The following XKR6 variants were observed in gnomAD, a reference collection of about 807,000 sequenced individuals.
The protein encoded by XKR6 is XK-related protein 6.
Under a neutral mutation model 56.7 loss-of-function variants are expected in XKR6, and 22 were observed. The observed-to-expected ratio is 0.39, with a 90% CI of 0.28 to 0.55. The LOEUF is 0.55. Among genes scored for constraint, XKR6 ranks in the 20% least tolerant of loss-of-function variants. The pLI, the probability that XKR6 is intolerant of heterozygous loss-of-function variation, is 0.66. For synonymous variants in XKR6, 524 were observed against 387.8 expected, an observed-to-expected ratio of 1.35 and a Z score of -4.13; for missense variants, 852 against 889.0, an observed-to-expected ratio of 0.96 and a Z score of 0.53.
intron 1 of XKR6, among the ~76,000 whole-genome samples, chr8:10,925,266 G>A (rs770860441): frequency 2.6e-5 from 4 of 152,188 alleles, no homozygotes; most frequent in South Asian, 4.1e-4. Flanking sequence ...GAAGGGAAGC[G>A]GGTGAACATT....
chr8:11,098,815 G>A (rs1470739882), intron 1 of XKR6, among the ~76,000 whole-genome samples: 1 of 152,004 alleles, frequency 6.6e-6, no homozygotes, highest in African/African-American at 2.4e-5. Context: ...TCTTAAGTGG[G>A]GCTAGGAGGG....
chr8:11,059,652 C>CG (rs1462445066), intron 1 of XKR6, among the ~76,000 whole-genome samples: 6 of 133,860 alleles, frequency 4.5e-5, no homozygotes, highest in Admixed American at 1.4e-4. Context: ...GGGACAGGTG[C>CG]GGGGGGCGCG....
At chr8:11,029,617 G>T (rs1798946964) in intron 1 of XKR6, among the ~76,000 whole-genome samples, 1 of 152,114 alleles carries the variant, frequency 6.6e-6, no homozygotes, top group Non-Finnish European at 1.5e-5. Flanking sequence ...AGAGAAATCA[G>T]TGTCTGCTGT....
At chr8:11,048,701 C>G (rs1799470295) in intron 1 of XKR6, among the ~76,000 whole-genome samples, 1 of 152,194 alleles carries the variant, frequency 6.6e-6, no homozygotes, top group Non-Finnish European at 1.5e-5. Context: ...TGACTCTGGA[C>G]TCCGCAGGCC....
intron 1 of XKR6, among the ~76,000 whole-genome samples, chr8:10,967,836 G>T (rs1013581349): frequency 2.6e-5 from 4 of 152,206 alleles, no homozygotes; most frequent in Non-Finnish European, 5.9e-5. Context: ...GTGGGTGCAG[G>T]TGGGACAAGC....
chr8:11,153,769 AG>A (rs1478028662), intron 1 of XKR6, among the ~76,000 whole-genome samples: 2 of 152,162 alleles, frequency 1.3e-5, no homozygotes, highest in Non-Finnish European at 2.9e-5. Flanking sequence ...AAGCCTTAAG[AG>A]GTATCTTGGA....
chr8:11,023,448 G>C (rs796779586), intron 1 of XKR6, among the ~76,000 whole-genome samples: 1 of 152,186 alleles, frequency 6.6e-6, no homozygotes, highest in East Asian at 1.9e-4. Context: ...ATTTTTTGTA[G>C]AGATGGGGTC....
intron 1 of XKR6, among the ~76,000 whole-genome samples, chr8:10,935,693 C>T (rs1801189468): frequency 6.6e-6 from 1 of 150,998 alleles, no homozygotes; most frequent in African/African-American, 2.4e-5. Flanking sequence ...GTTCAGTTTC[C>T]ATGTAGTTGA....
At chr8:11,029,677 T>C (rs1020613975) in intron 1 of XKR6, among the ~76,000 whole-genome samples, 49 of 152,076 alleles carry the variant, frequency 3.2e-4, no homozygotes, top group African/African-American at 1.1e-3. Flanking sequence ...TTGACTGACA[T>C]TTGCCATGAC....
chr8:10,932,343 C>G (rs1035874204), intron 1 of XKR6, among the ~76,000 whole-genome samples: 1 of 152,126 alleles, frequency 6.6e-6, no homozygotes, highest in Non-Finnish European at 1.5e-5. Context: ...ACCCATAGTT[C>G]CCTTTCTAGG....
In XKR6 at chr8:11,128,959, T is replaced by C. The variant is rs1385979850; in HGVS notation, c.764+71617A>G. 38 of 456,612 alleles carry C rather than the reference T, an allele frequency of 8.3e-5. No individual in the cohort carries two copies. In the Admixed American group the frequency reaches 8.9e-4, roughly 11 times the overall value. The allele number at this position is 456,612 out of a possible 1,614,324, so 28.3% of individuals were successfully genotyped here. On this transcript the variant is annotated intron_variant, in intron 1 of 2. Transcript: ENST00000416569. ...TTAATAAAGCAGCCAGAAAGTCTTT[T>C]TTTCAAAAGAATTAAGATTTTTGGT...
chr8:11,090,998 C>T (rs1304037317), intron 1 of XKR6, among the ~76,000 whole-genome samples: 2 of 152,158 alleles, frequency 1.3e-5, no homozygotes, highest in South Asian at 4.1e-4. Flanking sequence ...GAGCCCAGGT[C>T]TCTATAACCT....
At chr8:11,098,676 G>C (rs1304860064) in intron 1 of XKR6, among the ~76,000 whole-genome samples, 1 of 152,132 alleles carries the variant, frequency 6.6e-6, no homozygotes, top group Non-Finnish European at 1.5e-5. Context: ...TATAGTATGT[G>C]GAAAGTTTAT....
At chr8:11,136,490 G>A (rs1046091726) in intron 1 of XKR6, among the ~76,000 whole-genome samples, 1 of 142,838 alleles carries the variant, frequency 7.0e-6, no homozygotes, top group South Asian at 2.2e-4. Flanking sequence ...GGCAACAAAA[G>A]CGAAACTCTG....
At chr8:11,109,909 C>T (rs116775179) in intron 1 of XKR6, among the ~76,000 whole-genome samples, 289 of 152,210 alleles carry the variant, frequency 1.9e-3, no homozygotes, top group African/African-American at 6.7e-3. Context: ...ACTAAACAGC[C>T]AATAGAGGTT....
chr8:11,137,435 A>G (rs898857208), intron 1 of XKR6: 2 of 381,016 alleles, frequency 5.2e-6, no homozygotes, highest in Admixed American at 3.4e-5. Flanking sequence ...TCTCCCTCAA[A>G]CGTGGACAGT....
chr8:11,191,701 GAA>G (rs145736616), intron 1 of XKR6, among the ~76,000 whole-genome samples: 1,556 of 83,528 alleles, frequency 0.019, 32 homozygotes, highest in African/African-American at 0.047. Flanking sequence ...AATGTCATGA[GAA>G]AAAAAAAAAA....
intron 1 of XKR6, among the ~76,000 whole-genome samples, chr8:11,031,340 T>C (rs924548986): frequency 1.3e-5 from 2 of 152,204 alleles, no homozygotes; most frequent in Non-Finnish European, 2.9e-5. Context: ...TCTCCTGAGA[T>C]CTCTCCTTGG....
At chr8:10,929,868 T>C (rs1422406659) in intron 1 of XKR6, among the ~76,000 whole-genome samples, 1 of 152,218 alleles carries the variant, frequency 6.6e-6, no homozygotes, top group African/African-American at 2.4e-5. Context: ...ACTCTGCTTA[T>C]ATCTTTCTAG....
Sources: gnomAD v4.1 joint callset for allele counts (sites outside exome capture counted in the v4.1 genomes callset) on GRCh38, gnomAD v4.1.1 for gene constraint, MANE v1.5 for transcripts, NCBI Gene and HGNC (gene_info 2026-07-23, HGNC 2026-07-21) for gene names.